Variants in AXIN2 observed in about 807,000 individuals in gnomAD.
The protein encoded by AXIN2 is axin-2.
A neutral mutation model predicts 74.7 loss-of-function variants in AXIN2; 21 were observed. The observed-to-expected ratio is 0.28, with a 90% CI of 0.20 to 0.40. The LOEUF is 0.40. Ranked by LOEUF, AXIN2 falls within the 10% of genes least tolerant of loss-of-function variation. The pLI is 1.00. For synonymous variants in AXIN2, 532 were observed against 454.9 expected, an observed-to-expected ratio of 1.17 and a Z score of -2.16; for missense variants, 1,144 against 1,111.1, an observed-to-expected ratio of 1.03 and a Z score of -0.42.
chr17:65,545,561 G>A (rs943886335), intron 3 of AXIN2, among the ~76,000 whole-genome samples: 4 of 152,176 alleles, frequency 2.6e-5, no homozygotes, highest in East Asian at 1.9e-4. Flanking sequence ...GGTGGTGCAC[G>A]CCTGTAGTCC....
chr17:65,537,719 C>T lies in AXIN2; in HGVS notation c.1317G>A (p.Leu439=), dbSNP rs763400320. 2.6e-6 allele frequency: 4 copies of T among 1,561,076 alleles called. No individual in the cohort carries two copies. The highest frequency in any genetic ancestry group is 2.6e-6 in the Non-Finnish European group (3 of 1,152,804). Residue 439 remains leucine (L), a synonymous_variant, in exon 6 of 11, where the codon CTG becomes CTA. Transcript: ENST00000307078. ...TGAGGACCCTGGACAGGTGATCGTC[C>T]AGTATCGTCTGCGGGTCTTCCTCGT... ...GSYEEDPQTI[L]DDHLSRVLKT... is the part of the protein sequence containing the mutation.
At position 65,557,890 on chromosome 17, in the gene AXIN2, G is replaced by A. The variant is rs199798353; in HGVS notation, c.731C>T (p.Ser244Leu). 23 of 1,614,156 alleles carry A rather than the reference G, an allele frequency of 1.4e-5. No individual in the cohort carries two copies. Among genetic ancestry groups the A allele is most frequent in the Non-Finnish European group, 1.7e-5 (20 of 1,180,032 alleles). ...WTCADFKCKL[S>L]PTVVGLSSKT... ...GCTGGACAAGCCAACCACGGTTGGC[G>A]AAAGTTTGCACTTGAAGTCGGCACA... The change falls in exon 2 of 11, where the codon TCG becomes TTG. Residue 244 changes from serine (S) to leucine (L), a missense_variant. Physicochemically the swap from Ser to Leu is moderately radical, Grantham distance 145. Transcript: ENST00000307078.
intron 1 of AXIN2, chr17:65,561,000 C>A (rs1419522646): frequency 1.3e-5 from 2 of 148,988 alleles, no homozygotes; most frequent in Admixed American, 1.3e-4. Context: ...ACAACAATCC[C>A]GGGTTCAGAG....
Position 65,536,303 on chromosome 17 carries a change from C to G in AXIN2, c.2141+17G>C. 6.3e-7 allele frequency: 1 copy of G among 1,596,118 alleles called. No individual in the cohort carries two copies. Among genetic ancestry groups the G allele is most frequent in the Non-Finnish European group, 8.5e-7 (1 of 1,172,326 alleles). ...CCCAATCCCTGCCTCAACCTAGGACCCTTCACTTCCACTCACCGCTGCTTT... is the reference window on the plus strand; with the variant it reads ...CCCAATCCCTGCCTCAACCTAGGACGCTTCACTTCCACTCACCGCTGCTTT... On this transcript the variant is annotated intron_variant, in intron 8 of 10. Coordinates refer to ENST00000307078, the MANE Select transcript of AXIN2 (RefSeq NM_004655.4).
Position 65,533,947 on chromosome 17 carries a change from G to C in AXIN2, c.2370C>G (p.His790Gln), listed in dbSNP as rs1555576355. 7 of 1,614,170 alleles carry C rather than the reference G, an allele frequency of 4.3e-6. No homozygotes were observed. In the East Asian group the frequency reaches 1.3e-4, roughly 31 times the overall value. The change falls in exon 10 of 11, where the codon CAC becomes CAG. Residue 790 changes from histidine to glutamine, a missense_variant. His to Gln is a conservative substitution (Grantham distance 24, BLOSUM62 0). Transcript: ENST00000307078. Reference sequence around the variant, plus strand: ...CCTTTTTGCTGAGCTGCTCTTTAAAGTGGCCCAGGGTCAAGCTCTGAGCCT... The same window carrying C: ...CCTTTTTGCTGAGCTGCTCTTTAAACTGGCCCAGGGTCAAGCTCTGAGCCT... ...MLKAQSLTLG[H>Q]FKEQLSKKGN...
At chr17:65,538,039 G>A in intron 5 of AXIN2, 164 bp downstream of exon 5, 4 of 1,394,552 alleles carry the variant, frequency 2.9e-6, no homozygotes, top group South Asian at 2.5e-5. Flanking sequence ...CCATGCACAT[G>A]CGCACACAGC....
Position 65,537,849 on chromosome 17 carries a change from C to A in AXIN2, c.1201-14G>T. On this transcript the variant is annotated splice_polypyrimidine_tract_variant and intron_variant, in intron 5 of 10. Transcript: ENST00000307078. ...TCTCTCTTCATCCTGAAAGGGAAGA[C>A]GTCAGAAGGAGAAGTGACCCAGGAA... 2 of 1,535,226 alleles carry A rather than the reference C, an allele frequency of 1.3e-6. No individual in the cohort carries two copies. Among genetic ancestry groups the A allele is most frequent in the Non-Finnish European group, 1.8e-6 (2 of 1,141,292 alleles).
Position 65,558,639 on chromosome 17 carries a change from A to G in AXIN2, c.-19T>C, listed in dbSNP as rs1379545542. On this transcript the variant is annotated 5_prime_UTR_variant, in exon 2 of 11. Coordinates refer to ENST00000307078, the MANE Select transcript of AXIN2 (RefSeq NM_004655.4). ...TACTCATGGTGAGGGAGCTCTTCCC[A>G]CTGAGTCTGGGAATTTTTCTTCTTC... The G allele has an allele frequency of 3.8e-6, 6 of 1,599,994 alleles. No homozygotes were observed. In the East Asian group the frequency reaches 1.3e-4, roughly 36 times the overall value.
Position 65,538,192 on chromosome 17 carries a change from G to C in AXIN2, c.1200+11C>G, listed in dbSNP as rs370461337. ...TGGACGGAAGCAGGAAGAAGGCCTAGGCCGCATTACCTCTCGGATCTGCTG... is the reference window on the plus strand; with the variant it reads ...TGGACGGAAGCAGGAAGAAGGCCTACGCCGCATTACCTCTCGGATCTGCTG... On this transcript the variant is annotated intron_variant, in intron 5 of 10. Coordinates refer to ENST00000307078, the MANE Select transcript of AXIN2 (RefSeq NM_004655.4). The C allele has an allele frequency of 3.1e-6, 5 of 1,614,194 alleles. No homozygotes were observed. The Admixed American group carries it at 6.7e-5, about 22-fold the overall frequency.
intron 2 of AXIN2, 107 bp from the exon 3 acceptor site, chr17:65,549,767 G>A (rs2044166697): frequency 9.3e-6 from 13 of 1,402,064 alleles, no homozygotes; most frequent in African/African-American, 2.9e-5. Flanking sequence ...TCTGCTCAAC[G>A]CCAACCTGCT....
chr17:65,549,771 A>G, intron 2 of AXIN2, 111 bp from the exon 3 acceptor site: 1 of 1,384,828 alleles, frequency 7.2e-7, no homozygotes, highest in South Asian at 1.2e-5. Flanking sequence ...CTCAACGCCA[A>G]CCTGCTGCCC....
intron 5 of AXIN2, 151 bp from the exon 6 acceptor site, chr17:65,537,986 ACACAAGCACATATCCACACGCATATG>A (rs2144470897): frequency 7.6e-7 from 1 of 1,324,480 alleles, no homozygotes; most frequent in East Asian, 2.5e-5. Flanking sequence ...AGGCCCGCCT[ACACAAGCACATATCCACACGCATATG>A]CACACCCACA....
chr17:65,557,720 G>T, intron 2 of AXIN2, 86 bp downstream of exon 2: 1 of 1,375,056 alleles, frequency 7.3e-7, no homozygotes. Flanking sequence ...GTCAGTCTCT[G>T]CAGCACACCC....
chr17:65,559,848 G>C (rs2044336231), intron 1 of AXIN2: 1 of 152,300 alleles, frequency 6.6e-6, no homozygotes, highest in African/African-American at 2.4e-5. Context: ...CGCTGAACCC[G>C]ACCAGAGCCT....
rs373945507 is a variant in AXIN2, at chr17:65,538,153, G to C, written c.1200+50C>G. ...CCCATGCACATGCGCATACACATAC[G>C]AGCGCTCACGCCGTGGACGGAAGCA... On this transcript the variant is annotated intron_variant, in intron 5 of 10. Coordinates refer to ENST00000307078, the MANE Select transcript of AXIN2 (RefSeq NM_004655.4). The C allele has an allele frequency of 2.8e-4, 458 of 1,613,306 alleles. 1 individual carries two copies. The South Asian group carries it at 4.0e-3, about 14-fold the overall frequency.
rs1402235122 is a variant in AXIN2 at position 65,557,960 on chromosome 17, C to G, written c.661G>C (p.Val221Leu). The change falls in exon 2 of 11, where the codon GTG (valine) becomes CTG (leucine). Residue 221 changes from valine (V) to leucine (L), a missense_variant. By Grantham distance (32) the Val-to-Leu change is conservative (BLOSUM62 1). Coordinates refer to ENST00000307078, the MANE Select transcript of AXIN2 (RefSeq NM_004655.4). The stretch of plus-strand genomic sequence containing the variant: ...TTCAAGGTGGGGAGATAGCCACACA[C>G]GACCTTTAGGCTCCCGAGTCCCCCA... ...SNGGLGSLKV[V>L]CGYLPTLNEE... 1.2e-6 allele frequency: 2 copies of G among 1,614,168 alleles called. No individual in the cohort carries two copies. The highest frequency in any genetic ancestry group is 1.7e-5 in the Admixed American group (1 of 60,016).
intron 3 of AXIN2, among the ~76,000 whole-genome samples, chr17:65,544,282 CAGGATGGGGGTA>C (rs994314924): frequency 3.3e-5 from 5 of 149,908 alleles, no homozygotes; most frequent in African/African-American, 1.2e-4. Context: ...AAAAAAAAAA[CAGGATGGGGGTA>C]GGGATGGGGA....
At position 65,529,214 on chromosome 17, in the gene AXIN2, C is replaced by A; in HGVS notation, c.*762G>T. The A allele has an allele frequency of 4.3e-6, 1 of 234,526 alleles. No individual in the cohort carries two copies. Among genetic ancestry groups the A allele is most frequent in the Non-Finnish European group, 8.4e-6 (1 of 118,952 alleles). 14.5% of individuals were successfully genotyped at this position (234,526 alleles called of 1,614,324 possible). On this transcript the variant is annotated 3_prime_UTR_variant, in exon 11 of 11. Coordinates refer to ENST00000307078, the MANE Select transcript of AXIN2 (RefSeq NM_004655.4). ...CCTCAGTCACAGGATCAACCTGGGG[C>A]CCGAAGGAGCAGGGTTCCCTGCCTC...
Position 65,529,351 on chromosome 17 carries a change from AAAAAC to A in AXIN2, c.*620_*624del, listed in dbSNP as rs1187341261. On this transcript the variant is annotated 3_prime_UTR_variant, in exon 11 of 11. Transcript: ENST00000307078. ...CAAAACAGAGCAGCATAGGAAAAAAAAAAACAAAACGCACCAATTTCTGCATGTGT... is the reference window on the plus strand; with the variant it reads ...CAAAACAGAGCAGCATAGGAAAAAAAAAAACGCACCAATTTCTGCATGTGT... The A allele has an allele frequency of 4.2e-6, 1 of 240,814 alleles. No individual in the cohort carries two copies. The highest frequency in any genetic ancestry group is 8.2e-6 in the Non-Finnish European group (1 of 122,416). 14.9% of individuals were successfully genotyped at this position (240,814 alleles called of 1,614,324 possible).
Sources: gnomAD v4.1 joint callset for allele counts (sites outside exome capture counted in the v4.1 genomes callset) on GRCh38, gnomAD v4.1.1 for gene constraint, MANE v1.5 for transcripts, NCBI Gene and HGNC (gene_info 2026-07-23, HGNC 2026-07-21) for gene names.